CADM2: variants seen among roughly 807,000 people sequenced by gnomAD.
CADM2 encodes the protein cell adhesion molecule 2.
Under a neutral mutation model 49.8 loss-of-function variants are expected in CADM2, and 12 were observed. The ratio of observed to expected loss-of-function variants is 0.24; its 90% CI spans 0.15 to 0.39. CADM2 has a LOEUF of 0.39. Ranked by LOEUF, CADM2 falls within the 10% of genes least tolerant of loss-of-function variation. The probability of loss-of-function intolerance (pLI) is 1.00; values close to 1 mark genes in which losing one functional copy is unlikely to be tolerated. For missense variants in CADM2, 378 were observed against 492.3 expected (o/e 0.77, Z 2.20); for synonymous variants, 214 against 175.4 (o/e 1.22, Z -1.74).
At chr3:85,654,728 T>G (rs2107592296) in intron 1 of CADM2, among the ~76,000 whole-genome samples, 1 of 152,328 alleles carries the variant, frequency 6.6e-6, no homozygotes, top group Admixed American at 6.5e-5. Flanking sequence ...ATATTTTTTG[T>G]CACTCCCGTG....
intron 3 of CADM2, among the ~76,000 whole-genome samples, chr3:85,850,286 C>G (rs1190615751): frequency 6.8e-6 from 1 of 148,002 alleles, no homozygotes; most frequent in Non-Finnish European, 1.5e-5. Flanking sequence ...GGCTACCTAA[C>G]TGCTCTCTGT....
At chr3:85,777,244 A>AAATATTATTATTATT (rs2070401720) in intron 2 of CADM2, among the ~76,000 whole-genome samples, 1 of 148,722 alleles carries the variant, frequency 6.7e-6, no homozygotes, top group African/African-American at 2.5e-5. Flanking sequence ...GTTTTTAAAA[A>AAATATTATTATTATT]ATTATTATTA....
intron 1 of CADM2, among the ~76,000 whole-genome samples, chr3:85,719,473 T>G (rs539627886): frequency 6.6e-6 from 1 of 152,306 alleles, no homozygotes; most frequent in South Asian, 2.1e-4. Flanking sequence ...TAACATAAAG[T>G]GTGAATTCAC....
chr3:85,292,657 A>G (rs1158920930), intron 1 of CADM2, among the ~76,000 whole-genome samples: 1 of 151,168 alleles, frequency 6.6e-6, no homozygotes, highest in Non-Finnish European at 1.5e-5. Context: ...GCTCAACTAC[A>G]TGGAAACTGA....
intron 3 of CADM2, among the ~76,000 whole-genome samples, chr3:85,882,295 A>G (rs1712928816): frequency 6.6e-6 from 1 of 152,120 alleles, no homozygotes; most frequent in Admixed American, 6.5e-5. Flanking sequence ...GTTTGCTGTT[A>G]GTAAGGCTCC....
intron 3 of CADM2, among the ~76,000 whole-genome samples, chr3:85,872,657 A>C (rs2075974285): frequency 6.7e-6 from 1 of 150,034 alleles, no homozygotes; most frequent in Non-Finnish European, 1.5e-5. Context: ...TTATTCATAC[A>C]TACAATGTAT....
chr3:85,576,460 T>C (rs981794885), intron 1 of CADM2, among the ~76,000 whole-genome samples: 3 of 152,104 alleles, frequency 2.0e-5, no homozygotes, highest in African/African-American at 7.2e-5. Context: ...TTAAAAAAAA[T>C]GAGTTTAAAG....
At chr3:85,026,731 G>A (rs1388414648) in intron 1 of CADM2, among the ~76,000 whole-genome samples, 9 of 152,130 alleles carry the variant, frequency 5.9e-5, no homozygotes, top group Non-Finnish European at 1.3e-4. Context: ...GAGGGAAACT[G>A]GGCAATAAGT....
intron 1 of CADM2, among the ~76,000 whole-genome samples, chr3:85,340,159 T>C (rs952103955): frequency 2.0e-5 from 3 of 151,546 alleles, no homozygotes; most frequent in Non-Finnish European, 4.4e-5. Context: ...AAAGTACACC[T>C]TAGCATTGCA....
intron 1 of CADM2, among the ~76,000 whole-genome samples, chr3:85,632,783 A>G (rs1395107732): frequency 6.6e-6 from 1 of 152,044 alleles, no homozygotes; most frequent in Non-Finnish European, 1.5e-5. Context: ...AGTAGAAACA[A>G]AACTTTTCTT....
At chr3:85,337,456 T>G (rs968882926) in intron 1 of CADM2, among the ~76,000 whole-genome samples, 1 of 151,434 alleles carries the variant, frequency 6.6e-6, no homozygotes, top group Non-Finnish European at 1.5e-5. Context: ...TTCTTTATAT[T>G]GTGTGTAATT....
At chr3:85,291,131 C>T (rs533458314) in intron 1 of CADM2, among the ~76,000 whole-genome samples, 15 of 152,004 alleles carry the variant, frequency 9.9e-5, no homozygotes, top group South Asian at 4.2e-4. Flanking sequence ...TCGAGAACTA[C>T]GTGAAGAATG....
intron 1 of CADM2, among the ~76,000 whole-genome samples, chr3:85,107,490 G>A (rs552809714): frequency 2.6e-5 from 4 of 152,036 alleles, no homozygotes; most frequent in African/African-American, 9.7e-5. Context: ...AAAAAATTAG[G>A]TCCCTTAAGC....
chr3:85,010,794 TC>T (rs2033949680), intron 1 of CADM2, among the ~76,000 whole-genome samples: 1 of 151,270 alleles, frequency 6.6e-6, no homozygotes, highest in Admixed American at 6.6e-5. Context: ...TTGAGAATTT[TC>T]TTAGAATATT....
intron 2 of CADM2, among the ~76,000 whole-genome samples, chr3:85,779,501 A>C (rs1382626921): frequency 6.6e-6 from 1 of 152,176 alleles, no homozygotes; most frequent in East Asian, 1.9e-4. Flanking sequence ...GGAAGAAAAC[A>C]CATCCTTCTT....
At chr3:85,435,829 CTG>C (rs1187789761) in intron 1 of CADM2, among the ~76,000 whole-genome samples, 5 of 152,004 alleles carry the variant, frequency 3.3e-5, no homozygotes. Context: ...TGAGAAGTGC[CTG>C]TTCGCTTCTC....
chr3:85,799,474 G>A (rs1312736112), intron 2 of CADM2, among the ~76,000 whole-genome samples: 1 of 152,088 alleles, frequency 6.6e-6, no homozygotes, highest in Non-Finnish European at 1.5e-5. Context: ...AGTGTTTTTA[G>A]CATGAAGGGG....
chr3:85,003,118 C>T (rs988771815), intron 1 of CADM2, among the ~76,000 whole-genome samples: 1 of 152,094 alleles, frequency 6.6e-6, no homozygotes, highest in African/African-American at 2.4e-5. Context: ...AATCTCCATC[C>T]ACACAAGGAT....
At chr3:85,472,278 A>C (rs1294919055) in intron 1 of CADM2, among the ~76,000 whole-genome samples, 1 of 152,016 alleles carries the variant, frequency 6.6e-6, no homozygotes, top group African/African-American at 2.4e-5. Context: ...AAATAAATAA[A>C]TATTCATATA....
Sources: gnomAD v4.1 joint callset for allele counts (sites outside exome capture counted in the v4.1 genomes callset) on GRCh38, gnomAD v4.1.1 for gene constraint, MANE v1.5 for transcripts, NCBI Gene and HGNC (gene_info 2026-07-23, HGNC 2026-07-21) for gene names.